The following DENND5B variants were observed in gnomAD, a reference collection of about 807,000 sequenced individuals.
The protein encoded by DENND5B is DENN domain-containing protein 5B.
Under a neutral mutation model 140.6 loss-of-function variants are expected in DENND5B, and 34 were observed. The ratio of observed to expected loss-of-function variants is 0.24; its 90% CI spans 0.18 to 0.32. DENND5B has a LOEUF of 0.32. DENND5B is among the 10% of genes least tolerant of loss of function. The pLI, the probability that DENND5B is intolerant of heterozygous loss-of-function variation, is 1.00. For synonymous variants in DENND5B, 551 were observed against 562.1 expected, an observed-to-expected ratio of 0.98 and a Z score of 0.28; for missense variants, 1,142 against 1,560.2, an observed-to-expected ratio of 0.73 and a Z score of 4.52.
chr12:31,416,767 CAGG>C (rs998632438), intron 11 of DENND5B, among the ~76,000 whole-genome samples: 13 of 151,742 alleles, frequency 8.6e-5, no homozygotes, highest in African/African-American at 2.9e-4. Flanking sequence ...GAGGCCAAGG[CAGG>C]AGGATTACTT....
intron 1 of DENND5B, among the ~76,000 whole-genome samples, chr12:31,572,781 A>T (rs1191069262): frequency 6.6e-6 from 1 of 152,240 alleles, no homozygotes; most frequent in East Asian, 1.9e-4. Flanking sequence ...ACCTAGAGAC[A>T]ACAAATAGGG....
At position 31,460,072 on chromosome 12, in the gene DENND5B, T is replaced by C. The variant is rs570902855; in HGVS notation, c.1092+122A>G. 2.3e-3 allele frequency: 2,223 copies of C among 950,948 alleles called. 2 individuals are homozygous for C. The highest frequency in any genetic ancestry group is 3.2e-3 in the Non-Finnish European group (2,075 of 645,482). 58.9% of individuals were successfully genotyped at this position (950,948 alleles called of 1,614,324 possible). A position where few individuals can be genotyped will look rare whatever the true frequency, so the allele number is the denominator to read the frequency against. On this transcript the variant is annotated intron_variant, in intron 4 of 20. Coordinates refer to ENST00000389082, the MANE Select transcript of DENND5B (RefSeq NM_144973.4). ...AGCTCAGGCTCTCCCCTAGCCATAC[T>C]TGGAGATTTAGGAGAGTCAAAGAGA... is the stretch of plus-strand genomic sequence containing the variant.
intron 1 of DENND5B, among the ~76,000 whole-genome samples, chr12:31,523,200 C>T (rs546068920): frequency 9.9e-5 from 15 of 151,998 alleles, no homozygotes; most frequent in African/African-American, 2.9e-4. Context: ...CTGAGATTAC[C>T]GGCATGCACC....
chr12:31,494,480 A>G (rs1177153035), intron 2 of DENND5B, among the ~76,000 whole-genome samples: 4 of 152,094 alleles, frequency 2.6e-5, no homozygotes, highest in Non-Finnish European at 5.9e-5. Flanking sequence ...CTAGAACTAA[A>G]TCAAAAGGAA....
At position 31,590,789 on chromosome 12, in the gene DENND5B, G is replaced by A; in HGVS notation, c.44C>T (p.Ser15Phe). 1.5e-6 allele frequency: 2 copies of A among 1,361,106 alleles called. No individual in the cohort carries two copies. Among genetic ancestry groups the A allele is most frequent in the Non-Finnish European group, 1.9e-6 (2 of 1,055,572 alleles). The allele number at this position is 1,361,106 out of a possible 1,614,324, so 84.3% of individuals were successfully genotyped here. ...CAAPGPGSGS[S>F]PAACRFAHYF... ...GTGCGCGAAGCGGCAGGCGGCCGGG[G>A]AGGAGCCCGAGCCCGGGCCGGGCGC... Residue 15 changes from serine (S) to phenylalanine (F), a missense_variant, in exon 1 of 21, where the codon TCC becomes TTC. By Grantham distance (155) the Ser-to-Phe change is radical. Transcript: ENST00000389082.
intron 1 of DENND5B, among the ~76,000 whole-genome samples, chr12:31,532,214 C>CA (rs1948312568): frequency 6.6e-6 from 1 of 152,096 alleles, no homozygotes. Flanking sequence ...CCCTGAGTGA[C>CA]AGATGCCTGA....
intron 4 of DENND5B, among the ~76,000 whole-genome samples, chr12:31,456,551 G>C (rs1437797137): frequency 6.6e-6 from 1 of 152,004 alleles, no homozygotes; most frequent in Non-Finnish European, 1.5e-5. Flanking sequence ...ACCTCTTTTT[G>C]ACTTGGTGTC....
At chr12:31,500,420 C>G (rs1005626727) in intron 1 of DENND5B, 6 of 452,098 alleles carry the variant, frequency 1.3e-5, no homozygotes, top group African/African-American at 1.0e-4. Flanking sequence ...TGGCTCACAA[C>G]TGTAATCTCA....
intron 11 of DENND5B, among the ~76,000 whole-genome samples, chr12:31,415,722 G>T (rs961315561): frequency 1.3e-5 from 2 of 152,126 alleles, no homozygotes; most frequent in African/African-American, 4.8e-5. Flanking sequence ...GAGTAACTGG[G>T]ATTACAGGTG....
chr12:31,399,341 C>T (rs1267678862), intron 16 of DENND5B, among the ~76,000 whole-genome samples: 1 of 133,540 alleles, frequency 7.5e-6, no homozygotes, highest in Non-Finnish European at 1.5e-5. Context: ...TGCAACGGTG[C>T]AATCTCGGTT....
At chr12:31,415,518 T>C in intron 11 of DENND5B, 70 bp from the exon 12 acceptor site, 1 of 1,251,246 alleles carries the variant, frequency 8.0e-7, no homozygotes, top group Non-Finnish European at 1.1e-6. Flanking sequence ...ATTAAATACT[T>C]TGAAACTGCT....
chr12:31,521,675 CAAACCA>C, intron 1 of DENND5B, among the ~76,000 whole-genome samples: 1 of 152,114 alleles, frequency 6.6e-6, no homozygotes, highest in Non-Finnish European at 1.5e-5. Context: ...ACCATCCATC[CAAACCA>C]TTAAACCAAG....
chr12:31,420,137 AT>A, intron 11 of DENND5B: 1 of 886,810 alleles, frequency 1.1e-6, no homozygotes, highest in Non-Finnish European at 1.4e-6. Context: ...TATTATTATT[AT>A]TTTTTGGAGA....
chr12:31,443,508 A>C (rs911701802), intron 6 of DENND5B, among the ~76,000 whole-genome samples: 2 of 152,218 alleles, frequency 1.3e-5, no homozygotes, highest in Non-Finnish European at 2.9e-5. Flanking sequence ...CGCGGGGATG[A>C]AAAGCCTACA....
intron 14 of DENND5B, among the ~76,000 whole-genome samples, chr12:31,407,607 T>C (rs1253792350): frequency 6.6e-6 from 1 of 152,134 alleles, no homozygotes; most frequent in Non-Finnish European, 1.5e-5. Flanking sequence ...CAGTGAAATG[T>C]TAGTGATATT....
chr12:31,586,316 G>A (rs1248194052), intron 1 of DENND5B, among the ~76,000 whole-genome samples: 1 of 152,066 alleles, frequency 6.6e-6, no homozygotes, highest in Non-Finnish European at 1.5e-5. Flanking sequence ...TATTTAAAGG[G>A]AATTTAAACA....
Position 31,426,389 on chromosome 12 carries a change from G to GT in DENND5B, c.2141dup (p.Asn714LysfsTer21). On this transcript the variant is annotated frameshift_variant, in exon 9 of 21. Transcript: ENST00000389082. LOFTEE classifies it high-confidence loss of function. ...GGTCTGACAGTTTGGGTTGCCTCAG[G>GT]TTTTTTCCTAAACTTCGTGCCTCTT... 1 of 1,612,456 alleles carries GT rather than the reference G, an allele frequency of 6.2e-7. No homozygotes were observed. Among genetic ancestry groups the GT allele is most frequent in the Non-Finnish European group, 8.5e-7 (1 of 1,179,170 alleles).
chr12:31,418,959 A>G (rs1321757864), intron 11 of DENND5B, among the ~76,000 whole-genome samples: 2 of 152,152 alleles, frequency 1.3e-5, no homozygotes, highest in African/African-American at 4.8e-5. Flanking sequence ...TTTAAACCAC[A>G]CAGTTTGTGG....
chr12:31,574,926 C>T (rs1949958817), intron 1 of DENND5B, among the ~76,000 whole-genome samples: 1 of 152,146 alleles, frequency 6.6e-6, no homozygotes, highest in Non-Finnish European at 1.5e-5. Context: ...AACAAAATAA[C>T]CTATTTTCAC....
Sources: allele counts gnomAD v4.1 joint callset (sites outside exome capture counted in the v4.1 genomes callset), GRCh38; gene constraint gnomAD v4.1.1; transcripts MANE v1.5; gene names NCBI Gene and HGNC (gene_info 2026-07-23, HGNC 2026-07-21).